The following CARMIL1 variants were observed in gnomAD, a reference collection of about 807,000 sequenced individuals.
The protein encoded by CARMIL1 is F-actin-uncapping protein LRRC16A.
Under a neutral mutation model 177.1 loss-of-function variants are expected in CARMIL1, and 90 were observed. The observed-to-expected ratio is 0.51, with a 90% CI of 0.43 to 0.61. The LOEUF (loss-of-function observed/expected upper bound fraction) is 0.61, where lower values mean the gene tolerates loss of function less well. Ranked by LOEUF, CARMIL1 falls within the 20% of genes least tolerant of loss-of-function variation. CARMIL1 has a pLI of 0.00. For synonymous variants in CARMIL1, 577 were observed against 606.2 expected (o/e 0.95, Z 0.71); for missense variants, 1,380 against 1,667.0 (o/e 0.83, Z 3.00).
chr6:25,483,058 G>A (rs533901732), intron 12 of CARMIL1, among the ~76,000 whole-genome samples: 16 of 152,090 alleles, frequency 1.1e-4, no homozygotes, highest in African/African-American at 3.1e-4. Flanking sequence ...TCTTCCCAAG[G>A]CCATACAGAA....
At chr6:25,288,099 C>A (rs112496777) in intron 2 of CARMIL1, among the ~76,000 whole-genome samples, 1,988 of 152,184 alleles carry the variant, frequency 0.013, 42 homozygotes, top group African/African-American at 0.04. Flanking sequence ...CCAACTCAGG[C>A]CTGAGAATCA....
chr6:25,368,132 TC>T (rs1295201571), intron 2 of CARMIL1, among the ~76,000 whole-genome samples: 1 of 152,188 alleles, frequency 6.6e-6, no homozygotes, highest in Non-Finnish European at 1.5e-5. Context: ...AATTCAGAGT[TC>T]AAATCAGTTG....
chr6:25,582,144 A>G (rs930562058), intron 31 of CARMIL1, among the ~76,000 whole-genome samples: 5 of 152,050 alleles, frequency 3.3e-5, no homozygotes, highest in African/African-American at 1.2e-4. Flanking sequence ...TCTTCCTTCT[A>G]TATCTACCTA....
In CARMIL1 at chr6:25,509,953, A is replaced by G. The variant is rs1279942339; in HGVS notation, c.1477+216A>G. ...AAGTTGACTCTGTGGCCAACTATGC[A>G]AAGTCTATGCAGTAAAACAACTCAG... On this transcript the variant is annotated intron_variant, in intron 18 of 36. Transcript: ENST00000329474. The surrounding 1 kb of genome is among the most constrained non-coding windows in gnomAD (Gnocchi z 4.1). Among the ~76,000 whole-genome samples, 1 of 152,232 alleles carries G rather than the reference A, an allele frequency of 6.6e-6. No homozygotes were observed. The highest frequency in any genetic ancestry group is 6.5e-5 in the Admixed American group (1 of 15,286).
chr6:25,351,184 AT>A (rs1788073139), intron 2 of CARMIL1, among the ~76,000 whole-genome samples: 1 of 152,202 alleles, frequency 6.6e-6, no homozygotes, highest in Non-Finnish European at 1.5e-5. Flanking sequence ...TGCTGTGAGT[AT>A]AAAATACACT....
intron 2 of CARMIL1, among the ~76,000 whole-genome samples, chr6:25,362,804 G>A (rs367985449): frequency 7.2e-5 from 11 of 152,342 alleles, no homozygotes; most frequent in African/African-American, 2.4e-4. Flanking sequence ...GGAGGCCAAG[G>A]CAGGCACATC....
At chr6:25,586,181 G>A (rs1453486813) in intron 31 of CARMIL1, among the ~76,000 whole-genome samples, 20 of 148,374 alleles carry the variant, frequency 1.3e-4, no homozygotes, top group African/African-American at 5.2e-4. Context: ...GGGCAGAGAC[G>A]CTCCTCACTT....
intron 23 of CARMIL1, among the ~76,000 whole-genome samples, chr6:25,528,251 A>G (rs575931264): frequency 3.9e-4 from 59 of 152,324 alleles, no homozygotes; most frequent in African/African-American, 1.4e-3. Flanking sequence ...TAATGAAATT[A>G]GTATATATCT....
intron 29 of CARMIL1, among the ~76,000 whole-genome samples, chr6:25,569,980 CT>C (rs879511335): frequency 2.4e-4 from 35 of 148,112 alleles, no homozygotes; most frequent in African/African-American, 2.5e-4. Context: ...AATTTTCCCA[CT>C]TTTTTTTTTT....
intron 32 of CARMIL1, 148 bp downstream of exon 32, chr6:25,594,675 A>G (rs866291551): frequency 1.7e-6 from 1 of 580,160 alleles, no homozygotes; most frequent in Non-Finnish European, 3.0e-6. Flanking sequence ...TGGGCCGGCA[A>G]TACCAGTGTC....
chr6:25,333,012 T>C (rs921286156), intron 2 of CARMIL1, among the ~76,000 whole-genome samples: 2 of 152,216 alleles, frequency 1.3e-5, no homozygotes, highest in Middle Eastern at 3.4e-3. Context: ...CTTTTTCTGC[T>C]GGAGAGACTA....
At chr6:25,378,342 C>T (rs1791200348) in intron 2 of CARMIL1, among the ~76,000 whole-genome samples, 1 of 152,236 alleles carries the variant, frequency 6.6e-6, no homozygotes, top group South Asian at 2.1e-4. Context: ...CCACATTTCT[C>T]TTGGTCTCCC....
chr6:25,443,099 G>A (rs1797925286), intron 5 of CARMIL1, among the ~76,000 whole-genome samples: 1 of 152,128 alleles, frequency 6.6e-6, no homozygotes. Flanking sequence ...AACAAAGCAA[G>A]AATTTTAAAA....
intron 2 of CARMIL1, among the ~76,000 whole-genome samples, chr6:25,408,993 A>G (rs541786791): frequency 1.3e-5 from 2 of 152,306 alleles, no homozygotes; most frequent in South Asian, 4.1e-4. Context: ...CAGGTAAGAA[A>G]AATAAAATTT....
intron 2 of CARMIL1, among the ~76,000 whole-genome samples, chr6:25,331,628 T>C (rs550534303): frequency 7.6e-4 from 116 of 152,346 alleles, no homozygotes; most frequent in African/African-American, 2.5e-3. Flanking sequence ...TCTGAGTCTC[T>C]TGCAGGACCC....
chr6:25,421,944 A>T (rs1795898383), intron 3 of CARMIL1, among the ~76,000 whole-genome samples: 1 of 151,368 alleles, frequency 6.6e-6, no homozygotes, highest in Admixed American at 6.6e-5. Flanking sequence ...TGGGTGCAGC[A>T]CACCAACATG....
At chr6:25,309,484 T>C (rs1783591294) in intron 2 of CARMIL1, among the ~76,000 whole-genome samples, 1 of 151,462 alleles carries the variant, frequency 6.6e-6, no homozygotes, top group South Asian at 2.1e-4. Flanking sequence ...TGAGCCTTTT[T>C]TTTTTTTTAA....
intron 24 of CARMIL1, among the ~76,000 whole-genome samples, chr6:25,535,437 G>T (rs978379643): frequency 6.6e-6 from 1 of 152,176 alleles, no homozygotes; most frequent in Non-Finnish European, 1.5e-5. Context: ...TATGGGACCT[G>T]CAGGAAGGGT....
chr6:25,349,319 C>T (rs1010480124), intron 2 of CARMIL1, among the ~76,000 whole-genome samples: 1 of 152,210 alleles, frequency 6.6e-6, no homozygotes. Flanking sequence ...ATGGCGAAAA[C>T]ATGCAAACTC....
Sources: allele counts gnomAD v4.1 joint callset (sites outside exome capture counted in the v4.1 genomes callset), GRCh38; gene constraint gnomAD v4.1.1; non-coding constraint Gnocchi (gnomAD v3.1); transcripts MANE v1.5; gene names NCBI Gene and HGNC (gene_info 2026-07-23, HGNC 2026-07-21).